CNOT6L: variants seen among roughly 807,000 people sequenced by gnomAD.
CNOT6L encodes the protein CCR4-NOT transcription complex subunit 6-like.
A neutral mutation model predicts 64.0 loss-of-function variants in CNOT6L; 7 were observed. The ratio of observed to expected loss-of-function variants is 0.11; its 90% CI spans 0.06 to 0.21. CNOT6L has a LOEUF of 0.21. CNOT6L is among the 10% of genes least tolerant of loss of function. CNOT6L has a pLI of 1.00. For missense variants in CNOT6L, 245 were observed against 669.0 expected, an observed-to-expected ratio of 0.37 and a Z score of 6.99; for synonymous variants, 193 against 243.4, an observed-to-expected ratio of 0.79 and a Z score of 1.93.
intron 7 of CNOT6L, among the ~76,000 whole-genome samples, chr4:77,743,992 A>G (rs1319318362): frequency 6.6e-6 from 1 of 152,216 alleles, no homozygotes; most frequent in Non-Finnish European, 1.5e-5. Context: ...TCATTTAAAA[A>G]AATATATATG....
At chr4:77,757,390 C>T (rs1040987511) in intron 4 of CNOT6L, among the ~76,000 whole-genome samples, 3 of 151,936 alleles carry the variant, frequency 2.0e-5, no homozygotes, top group African/African-American at 7.3e-5. Flanking sequence ...GGAAAACAAA[C>T]GTATTTCAAG....
intron 1 of CNOT6L, among the ~76,000 whole-genome samples, chr4:77,811,795 T>C (rs145824170): frequency 6.6e-6 from 1 of 151,656 alleles, no homozygotes; most frequent in Non-Finnish European, 1.5e-5. Context: ...TGATAAAGGC[T>C]ATTAATGAAA....
At chr4:77,766,358 T>TA (rs1391179366) in intron 4 of CNOT6L, among the ~76,000 whole-genome samples, 1 of 152,098 alleles carries the variant, frequency 6.6e-6, no homozygotes, top group Non-Finnish European at 1.5e-5. Context: ...TTCTAAAATC[T>TA]AAAAAACTTT....
rs1350271933 is a variant in CNOT6L, at chr4:77,715,873, G to A, written c.*4558C>T. On this transcript the variant is annotated 3_prime_UTR_variant, in exon 12 of 12. Transcript: ENST00000504123. ...AACAGATTAGAACTTTGGTAAATAA[G>A]ACAGATTAAAGATGTACTAAAATGT... 6.6e-6 allele frequency: 1 copy of A among 152,384 alleles called. No homozygotes were observed. The allele number at this position is 152,384 out of a possible 1,614,324, so 9.4% of individuals were successfully genotyped here.
chr4:77,740,313 A>G (rs1264369692), intron 8 of CNOT6L, among the ~76,000 whole-genome samples: 1 of 152,150 alleles, frequency 6.6e-6, no homozygotes, highest in African/African-American at 2.4e-5. Flanking sequence ...TTGAGGCTGC[A>G]GTGAGCCATG....
At chr4:77,777,331 ATT>A (rs1380994456) in intron 1 of CNOT6L, among the ~76,000 whole-genome samples, 5 of 152,242 alleles carry the variant, frequency 3.3e-5, no homozygotes, top group Non-Finnish European at 7.3e-5. Context: ...TGAGAAATGC[ATT>A]GTTAGGCAAT....
chr4:77,775,940 T>C (rs1728091623), intron 2 of CNOT6L, among the ~76,000 whole-genome samples: 1 of 152,162 alleles, frequency 6.6e-6, no homozygotes, highest in African/African-American at 2.4e-5. Flanking sequence ...TTGCCGACAC[T>C]GAGATAGGAG....
At chr4:77,739,659 A>G (rs1208557713) in intron 8 of CNOT6L, among the ~76,000 whole-genome samples, 1 of 152,226 alleles carries the variant, frequency 6.6e-6, no homozygotes, top group African/African-American at 2.4e-5. Flanking sequence ...CCAGGAAAGA[A>G]GTTGAAAAGA....
At chr4:77,798,991 A>C (rs781493202) in intron 1 of CNOT6L, among the ~76,000 whole-genome samples, 5 of 152,108 alleles carry the variant, frequency 3.3e-5, no homozygotes, top group Non-Finnish European at 7.4e-5. Context: ...AAAAAGAAAA[A>C]AAGTTAAATA....
intron 4 of CNOT6L, among the ~76,000 whole-genome samples, chr4:77,772,001 T>C (rs1727606488): frequency 6.6e-6 from 1 of 152,222 alleles, no homozygotes; most frequent in Admixed American, 6.5e-5. Flanking sequence ...CAAATTTCAG[T>C]GTTTCTATGA....
intron 5 of CNOT6L, among the ~76,000 whole-genome samples, chr4:77,750,007 A>G (rs1019564483): frequency 1.3e-5 from 2 of 152,236 alleles, no homozygotes; most frequent in African/African-American, 2.4e-5. Flanking sequence ...AAGAAAGTCT[A>G]TGCTATAGTT....
rs574514143 is a variant in CNOT6L at position 77,793,489 on chromosome 4, G to A, written c.6-17097C>T. On this transcript the variant is annotated intron_variant, in intron 1 of 11. Transcript: ENST00000504123. ...TCTGAAATTTGCCTCTGGTCACATG[G>A]TTAGTGGGTGGCACAGTGGGATTTA... 8.5e-5 allele frequency among the ~76,000 whole-genome samples: 13 copies of A among 152,286 alleles called. No individual in the cohort carries two copies. The South Asian group carries it at 2.3e-3, about 27-fold the overall frequency.
intron 1 of CNOT6L, among the ~76,000 whole-genome samples, chr4:77,777,226 C>T (rs1728252018): frequency 6.6e-6 from 1 of 152,096 alleles, no homozygotes; most frequent in South Asian, 2.1e-4. Context: ...TATTATCATC[C>T]CTTTTCATGC....
chr4:77,766,223 T>C (rs1726802736), intron 4 of CNOT6L, among the ~76,000 whole-genome samples: 1 of 152,184 alleles, frequency 6.6e-6, no homozygotes, highest in African/African-American at 2.4e-5. Flanking sequence ...TATGTATATA[T>C]ATATTTTACC....
At chr4:77,770,945 C>T (rs556141583) in intron 4 of CNOT6L, among the ~76,000 whole-genome samples, 1 of 152,278 alleles carries the variant, frequency 6.6e-6, no homozygotes, top group African/African-American at 2.4e-5. Context: ...TAATATGAAA[C>T]AGTTATGAAA....
chr4:77,755,223 G>GTTTTTTTTTTT (rs869054667), intron 5 of CNOT6L, among the ~76,000 whole-genome samples: 1 of 70,392 alleles, frequency 1.4e-5, no homozygotes, highest in Non-Finnish European at 2.4e-5. Flanking sequence ...AGAGACAAGA[G>GTTTTTTTTTTT]TTTTTTTTTT....
rs560922362 is a variant in CNOT6L at position 77,817,905 on chromosome 4, G to A, written c.5+1399C>T. On this transcript the variant is annotated intron_variant, in intron 1 of 11. Transcript: ENST00000504123. ...TGATCTAACTACATACAAATGTAAT[G>A]AGGTTGGAGTAGAAAAGCACATTAG... Among the ~76,000 whole-genome samples the A allele has an allele frequency of 7.2e-5, 11 of 152,354 alleles. No homozygotes were observed. The South Asian group carries it at 1.9e-3, about 26-fold the overall frequency.
At chr4:77,736,052 A>G (rs1026342975) in intron 8 of CNOT6L, among the ~76,000 whole-genome samples, 5 of 152,118 alleles carry the variant, frequency 3.3e-5, no homozygotes, top group African/African-American at 4.8e-5. Context: ...AAACTTCTCA[A>G]TCTTTTAAAG....
At chr4:77,735,610 G>A (rs1233428784) in intron 8 of CNOT6L, among the ~76,000 whole-genome samples, 1 of 152,146 alleles carries the variant, frequency 6.6e-6, no homozygotes, top group African/African-American at 2.4e-5. Flanking sequence ...CAATCTCACC[G>A]TCTTGGTTTG....
Sources: gnomAD v4.1 joint callset for allele counts (sites outside exome capture counted in the v4.1 genomes callset) on GRCh38, gnomAD v4.1.1 for gene constraint, MANE v1.5 for transcripts, NCBI Gene and HGNC (gene_info 2026-07-23, HGNC 2026-07-21) for gene names.